LRRTM3: variants seen among roughly 807,000 people sequenced by gnomAD.
LRRTM3 encodes the protein leucine-rich repeat transmembrane neuronal protein 3.
A neutral mutation model predicts 44.7 loss-of-function variants in LRRTM3; 24 were observed. That is an observed-to-expected ratio of 0.54 (90% CI 0.39 to 0.76). The LOEUF is 0.76. Ranked by LOEUF, LRRTM3 falls within the 30% of genes least tolerant of loss-of-function variation. The probability of loss-of-function intolerance (pLI) is 0.00; values close to 1 mark genes in which losing one functional copy is unlikely to be tolerated. For missense variants in LRRTM3, 587 were observed against 702.2 expected (o/e 0.84, Z 1.85); for synonymous variants, 277 against 278.7 (o/e 0.99, Z 0.06).
chr10:66,957,603 C>A (rs1467755430), intron 2 of LRRTM3, among the ~76,000 whole-genome samples: 1 of 151,726 alleles, frequency 6.6e-6, no homozygotes, highest in East Asian at 1.9e-4. Flanking sequence ...AGTCTGGATT[C>A]TGTCAGGAAA....
intron 2 of LRRTM3, among the ~76,000 whole-genome samples, chr10:66,936,675 G>A (rs1429335347): frequency 6.6e-6 from 1 of 152,106 alleles, no homozygotes; most frequent in Non-Finnish European, 1.5e-5. Context: ...AGTCAACTCT[G>A]AGATGTCTGC....
At chr10:66,936,791 T>TA (rs1334165664) in intron 2 of LRRTM3, among the ~76,000 whole-genome samples, 3 of 152,150 alleles carry the variant, frequency 2.0e-5, no homozygotes, top group Admixed American at 6.6e-5. Context: ...CTTGGTTTCT[T>TA]ATGCGTTATC....
chr10:67,054,251 A>T (rs1368879282), intron 2 of LRRTM3, among the ~76,000 whole-genome samples: 3 of 152,172 alleles, frequency 2.0e-5, no homozygotes, highest in Non-Finnish European at 2.9e-5. Flanking sequence ...ATTTGTCAAC[A>T]ATGTGGAGAT....
At chr10:66,957,387 T>A (rs945863875) in intron 2 of LRRTM3, among the ~76,000 whole-genome samples, 2 of 14,278 alleles carry the variant, frequency 1.4e-4, no homozygotes, top group Non-Finnish European at 4.4e-4. Context: ...TGTGTGTATA[T>A]ATATACATAT....
intron 2 of LRRTM3, among the ~76,000 whole-genome samples, chr10:67,009,752 C>T (rs549200131): frequency 6.6e-6 from 1 of 152,084 alleles, no homozygotes; most frequent in Non-Finnish European, 1.5e-5. Flanking sequence ...TCTTGCTAGA[C>T]TTTTTTACTC....
chr10:66,931,793 G>C (rs1564775622), intron 2 of LRRTM3, among the ~76,000 whole-genome samples: 1 of 152,134 alleles, frequency 6.6e-6, no homozygotes, highest in Admixed American at 6.6e-5. Context: ...CTAGAAATAA[G>C]TGTCCAAGAT....
chr10:67,094,197 A>G (rs1857829870), intron 2 of LRRTM3, among the ~76,000 whole-genome samples: 1 of 151,934 alleles, frequency 6.6e-6, no homozygotes, highest in South Asian at 2.1e-4. Flanking sequence ...AGAAGCAAAA[A>G]TATCCCTCCC....
At chr10:66,963,362 G>A (rs911934670) in intron 2 of LRRTM3, among the ~76,000 whole-genome samples, 4 of 152,136 alleles carry the variant, frequency 2.6e-5, no homozygotes, top group Non-Finnish European at 5.9e-5. Context: ...TTTGCTTGTA[G>A]TATGGAAAAT....
chr10:66,995,026 C>T (rs944653320), intron 2 of LRRTM3, among the ~76,000 whole-genome samples: 1 of 152,140 alleles, frequency 6.6e-6, no homozygotes, highest in Non-Finnish European at 1.5e-5. Flanking sequence ...CTTCTCATTC[C>T]AAGTATATGC....
At chr10:67,064,853 G>A (rs2133231896) in intron 2 of LRRTM3, among the ~76,000 whole-genome samples, 1 of 152,236 alleles carries the variant, frequency 6.6e-6, no homozygotes, top group South Asian at 2.1e-4. Flanking sequence ...GAATTCTCTA[G>A]GAAATTTATA....
intron 2 of LRRTM3, among the ~76,000 whole-genome samples, chr10:67,079,937 G>A (rs1038211771): frequency 6.6e-6 from 1 of 151,050 alleles, no homozygotes; most frequent in African/African-American, 2.4e-5. Context: ...ACAGCAGCAT[G>A]TAAGAAGTGT....
intron 2 of LRRTM3, among the ~76,000 whole-genome samples, chr10:66,986,503 C>G (rs193276406): frequency 0.022 from 3,416 of 151,992 alleles, 61 homozygotes; most frequent in Non-Finnish European, 0.034. Context: ...TCTTGCTAAA[C>G]TAAACTAAAA....
rs777864886 is a variant in LRRTM3, at chr10:66,927,147, G to T, written c.231G>T (p.Lys77Asn). Residue 77 changes from lysine (K) to asparagine (N), a missense_variant, in exon 2 of 3, where the codon AAG (lysine) becomes AAT (asparagine). Coordinates refer to ENST00000361320, the MANE Select transcript of LRRTM3 (RefSeq NM_178011.5). The surrounding 1 kb of genome is among the most constrained non-coding windows in gnomAD (Gnocchi z 4.7). ...SLRYNSLQKL[K>N]YNQFKGLNQL... is the part of the protein sequence containing the mutation. ...GCTATAACAGCCTTCAAAAACTTAAGTATAATCAATTTAAAGGGCTCAACC... is the reference window on the plus strand; with the variant it reads ...GCTATAACAGCCTTCAAAAACTTAATTATAATCAATTTAAAGGGCTCAACC... 6.2e-7 allele frequency: 1 copy of T among 1,613,936 alleles called. No homozygotes were observed. The highest frequency in any genetic ancestry group is 1.3e-5 in the African/African-American group (1 of 74,866).
At chr10:67,057,982 G>A (rs1855541307) in intron 2 of LRRTM3, among the ~76,000 whole-genome samples, 1 of 152,120 alleles carries the variant, frequency 6.6e-6, no homozygotes, top group African/African-American at 2.4e-5. Flanking sequence ...TAGGCAATCA[G>A]CAGGAAAGAT....
At chr10:66,947,497 G>A (rs1018317089) in intron 2 of LRRTM3, among the ~76,000 whole-genome samples, 4 of 152,030 alleles carry the variant, frequency 2.6e-5, no homozygotes, top group Non-Finnish European at 5.9e-5. Context: ...TTAAGCAACT[G>A]AGCCTGCCCT....
intron 2 of LRRTM3, among the ~76,000 whole-genome samples, chr10:66,978,552 A>AAATAAAAATAAAAAAATATATATATATAT: frequency 2.6e-5 from 1 of 37,866 alleles, no homozygotes; most frequent in Non-Finnish European, 4.8e-5. Flanking sequence ...AAAAAAAAAA[A>AAATAAAAATAAAAAAATATATATATATAT]ATATATATAT....
chr10:67,035,615 A>G (rs1362720566), intron 2 of LRRTM3, among the ~76,000 whole-genome samples: 1 of 152,182 alleles, frequency 6.6e-6, no homozygotes, highest in Admixed American at 6.5e-5. Context: ...AGAAGCAGAA[A>G]TATAAGGAAA....
At chr10:66,966,924 C>A (rs1443458340) in intron 2 of LRRTM3, among the ~76,000 whole-genome samples, 7 of 152,002 alleles carry the variant, frequency 4.6e-5, no homozygotes, top group African/African-American at 9.7e-5. Context: ...TCAAATTCAA[C>A]TAAATGGGAG....
chr10:67,030,081 A>C (rs1646205130), intron 2 of LRRTM3, among the ~76,000 whole-genome samples: 2 of 152,134 alleles, frequency 1.3e-5, no homozygotes, highest in African/African-American at 2.4e-5. Context: ...AATCATATAG[A>C]AGGTGTATTT....
Sources: gnomAD v4.1 joint callset for allele counts (sites outside exome capture counted in the v4.1 genomes callset) on GRCh38, gnomAD v4.1.1 for gene constraint, Gnocchi (gnomAD v3.1) non-coding constraint, MANE v1.5 for transcripts, NCBI Gene and HGNC (gene_info 2026-07-23, HGNC 2026-07-21) for gene names.